Variants in ROBO2 observed in about 807,000 individuals in gnomAD.
ROBO2 encodes the protein roundabout guidance receptor 2.
A neutral mutation model predicts 160.8 loss-of-function variants in ROBO2; 53 were observed. The observed-to-expected ratio is 0.33, with a 90% CI of 0.26 to 0.41. ROBO2 has a LOEUF of 0.41. Among genes scored for constraint, ROBO2 ranks in the 10% least tolerant of loss-of-function variants. The pLI, the probability that ROBO2 is intolerant of heterozygous loss-of-function variation, is 1.00. For missense variants in ROBO2, 1,577 were observed against 1,722.4 expected, an observed-to-expected ratio of 0.92 and a Z score of 1.49; for synonymous variants, 664 against 611.7, an observed-to-expected ratio of 1.09 and a Z score of -1.26.
intron 2 of ROBO2, among the ~76,000 whole-genome samples, chr3:76,216,207 T>G (rs1703513571): frequency 1.3e-5 from 2 of 152,216 alleles, no homozygotes; most frequent in Admixed American, 1.3e-4. Context: ...TACAAAAACA[T>G]GCCAAATTGT....
chr3:77,513,597 G>C (rs941749151), intron 5 of ROBO2, among the ~76,000 whole-genome samples: 7 of 151,806 alleles, frequency 4.6e-5, no homozygotes, highest in African/African-American at 1.7e-4. Context: ...CACACAAACA[G>C]AATGTTGCAT....
intron 2 of ROBO2, among the ~76,000 whole-genome samples, chr3:75,963,336 G>A (rs1481473717): frequency 6.6e-6 from 1 of 151,540 alleles, no homozygotes; most frequent in Non-Finnish European, 1.5e-5. Flanking sequence ...ACAGGTGTGT[G>A]CCACCACACC....
intron 2 of ROBO2, among the ~76,000 whole-genome samples, chr3:76,623,881 A>AT (rs1047616371): frequency 4.6e-5 from 7 of 152,090 alleles, no homozygotes; most frequent in Admixed American, 4.6e-4. Flanking sequence ...GGGTGACAAA[A>AT]TTTTTGCTCT....
At chr3:76,531,490 ATTAAC>A (rs144310524) in intron 2 of ROBO2, among the ~76,000 whole-genome samples, 4,499 of 151,952 alleles carry the variant, frequency 0.03, 77 homozygotes, top group South Asian at 0.046. Flanking sequence ...ATATTTTTTA[ATTAAC>A]TTATGATTTT....
At chr3:77,312,391 C>T (rs1213306094) in intron 2 of ROBO2, among the ~76,000 whole-genome samples, 1 of 152,132 alleles carries the variant, frequency 6.6e-6, no homozygotes. Flanking sequence ...TATTTGGAAG[C>T]ATTTTATGAA....
At chr3:76,078,842 A>G (rs926223423) in intron 2 of ROBO2, among the ~76,000 whole-genome samples, 1 of 152,206 alleles carries the variant, frequency 6.6e-6, no homozygotes, top group Non-Finnish European at 1.5e-5. Flanking sequence ...ACTAATTTAC[A>G]TTTCTACTAA....
At chr3:77,467,917 G>T (rs2153577560) in intron 2 of ROBO2, among the ~76,000 whole-genome samples, 1 of 152,286 alleles carries the variant, frequency 6.6e-6, no homozygotes, top group African/African-American at 2.4e-5. Context: ...AGAATGTGTT[G>T]GGAGCATGGT....
At chr3:77,151,965 C>G (rs1040772054) in intron 2 of ROBO2, among the ~76,000 whole-genome samples, 1 of 152,156 alleles carries the variant, frequency 6.6e-6, no homozygotes, top group African/African-American at 2.4e-5. Flanking sequence ...CTAGTACACA[C>G]TTTCTACTAC....
At chr3:76,459,796 A>G (rs994856595) in intron 2 of ROBO2, among the ~76,000 whole-genome samples, 5 of 152,182 alleles carry the variant, frequency 3.3e-5, no homozygotes, top group African/African-American at 1.2e-4. Context: ...TCATGTTCCC[A>G]TCACATAGTT....
chr3:76,347,372 A>G (rs1383511690), intron 2 of ROBO2, among the ~76,000 whole-genome samples: 1 of 152,140 alleles, frequency 6.6e-6, no homozygotes, highest in African/African-American at 2.4e-5. Flanking sequence ...AACAGTTTAG[A>G]AAATTTCTGT....
chr3:76,886,259 A>T (rs199500303), intron 2 of ROBO2, among the ~76,000 whole-genome samples: 84 of 144,360 alleles, frequency 5.8e-4, no homozygotes, highest in East Asian at 1.2e-3. Flanking sequence ...ATTCCAAAAA[A>T]ATATATATAT....
At chr3:77,566,835 C>T (rs545394996) in intron 12 of ROBO2, among the ~76,000 whole-genome samples, 7 of 151,956 alleles carry the variant, frequency 4.6e-5, no homozygotes, top group Non-Finnish European at 8.8e-5. Context: ...TTTTTGGGTA[C>T]CATACTTTCA....
chr3:76,739,128 G>A (rs2093760370), intron 2 of ROBO2, among the ~76,000 whole-genome samples: 1 of 152,026 alleles, frequency 6.6e-6, no homozygotes, highest in South Asian at 2.1e-4. Flanking sequence ...TCTCATTACT[G>A]GGTATATACC....
At chr3:76,039,267 G>A (rs2107755098) in intron 2 of ROBO2, among the ~76,000 whole-genome samples, 2 of 151,944 alleles carry the variant, frequency 1.3e-5, no homozygotes, top group Middle Eastern at 3.4e-3. Context: ...TTGTGTTTGT[G>A]GTAAAAGAGT....
At chr3:76,612,904 C>G (rs1553833596) in intron 2 of ROBO2, among the ~76,000 whole-genome samples, 1 of 151,984 alleles carries the variant, frequency 6.6e-6, no homozygotes, top group Non-Finnish European at 1.5e-5. Context: ...TACTACTGCT[C>G]TTTTTTGATT....
chr3:76,888,990 G>A (rs551963488), intron 2 of ROBO2, among the ~76,000 whole-genome samples: 1 of 152,128 alleles, frequency 6.6e-6, no homozygotes, highest in African/African-American at 2.4e-5. Context: ...TCAGAATGTT[G>A]GGAAGGATCT....
At chr3:76,136,636 G>A (rs890491857) in intron 2 of ROBO2, among the ~76,000 whole-genome samples, 1 of 151,854 alleles carries the variant, frequency 6.6e-6, no homozygotes, top group Non-Finnish European at 1.5e-5. Context: ...ACTTAACTTT[G>A]CATTTATTTA....
chr3:76,064,428 A>T (rs73842947), intron 2 of ROBO2, among the ~76,000 whole-genome samples: 1 of 152,052 alleles, frequency 6.6e-6, no homozygotes, highest in Admixed American at 6.6e-5. Context: ...AGTCCAGGGA[A>T]CTAGCATAAC....
intron 2 of ROBO2, among the ~76,000 whole-genome samples, chr3:76,722,126 A>G (rs1436238896): frequency 6.6e-6 from 1 of 152,112 alleles, no homozygotes; most frequent in Non-Finnish European, 1.5e-5. Context: ...AACAGAGGGA[A>G]TGAAGTAGGA....
Sources: gnomAD v4.1 joint callset for allele counts (sites outside exome capture counted in the v4.1 genomes callset) on GRCh38, gnomAD v4.1.1 for gene constraint, MANE v1.5 for transcripts, NCBI Gene and HGNC (gene_info 2026-07-23, HGNC 2026-07-21) for gene names.